The following ZNF106 variants were observed in gnomAD, a reference collection of about 807,000 sequenced individuals.
The protein encoded by ZNF106 is zinc finger protein 106, also known as SH3-domain binding protein 3.
Under a neutral mutation model 195.1 loss-of-function variants are expected in ZNF106, and 67 were observed. That is an observed-to-expected ratio of 0.34 (90% CI 0.28 to 0.42). The LOEUF is 0.42. Among genes scored for constraint, ZNF106 ranks in the 10% least tolerant of loss-of-function variants. ZNF106 has a pLI of 1.00. For missense variants in ZNF106, 2,118 were observed against 2,304.5 expected, an observed-to-expected ratio of 0.92 and a Z score of 1.66; for synonymous variants, 784 against 818.6, an observed-to-expected ratio of 0.96 and a Z score of 0.72.
intron 4 of ZNF106, among the ~76,000 whole-genome samples, chr15:42,455,760 G>A (rs982585499): frequency 3.3e-5 from 5 of 151,982 alleles, no homozygotes; most frequent in African/African-American, 1.2e-4. Context: ...AGGTACAGAC[G>A]GGGTATAACT....
intron 3 of ZNF106, among the ~76,000 whole-genome samples, chr15:42,463,090 G>A (rs557139114): frequency 1.3e-5 from 2 of 151,944 alleles, no homozygotes; most frequent in African/African-American, 2.4e-5. Flanking sequence ...CGAGCACCGC[G>A]GCCGGCCCAA....
At chr15:42,487,490 CAAA>C (rs961444853) in intron 1 of ZNF106, among the ~76,000 whole-genome samples, 1 of 44,714 alleles carries the variant, frequency 2.2e-5, no homozygotes, top group Non-Finnish European at 4.1e-5. Context: ...GACCCTGTCT[CAAA>C]AAAAAAAAAA....
At chr15:42,433,144 C>A (rs896493828) in intron 14 of ZNF106, among the ~76,000 whole-genome samples, 3 of 152,010 alleles carry the variant, frequency 2.0e-5, no homozygotes, top group Non-Finnish European at 2.9e-5. Context: ...CTTGCTCTGT[C>A]GCCCAGGCTG....
At chr15:42,428,168 G>C in intron 14 of ZNF106, 34 bp from the exon 15 acceptor site, 1 of 1,571,780 alleles carries the variant, frequency 6.4e-7, no homozygotes, top group Middle Eastern at 1.7e-4. Context: ...ATCAGCAGAG[G>C]GTACTGGCAA....
At chr15:42,440,019 CTG>C (rs1383702005) in intron 10 of ZNF106, among the ~76,000 whole-genome samples, 5 of 152,224 alleles carry the variant, frequency 3.3e-5, no homozygotes, top group African/African-American at 1.2e-4. Flanking sequence ...CTCACAAACA[CTG>C]TGTGTCTTAT....
At chr15:42,471,496 C>T (rs950111820) in intron 2 of ZNF106, among the ~76,000 whole-genome samples, 3 of 152,064 alleles carry the variant, frequency 2.0e-5, no homozygotes, top group African/African-American at 4.8e-5. Flanking sequence ...TTGACAGGCC[C>T]GAGGCAGGTG....
chr15:42,471,077 C>A (rs1275292697), intron 2 of ZNF106, among the ~76,000 whole-genome samples: 2 of 152,212 alleles, frequency 1.3e-5, no homozygotes, highest in African/African-American at 4.8e-5. Flanking sequence ...TCCTGCTATT[C>A]CCAAGGCAAA....
intron 1 of ZNF106, among the ~76,000 whole-genome samples, chr15:42,484,596 G>A (rs2056968876): frequency 6.6e-6 from 1 of 152,094 alleles, no homozygotes. Context: ...AAATTAGCCA[G>A]GCGTGGTGAT....
intron 16 of ZNF106, 119 bp from the exon 17 acceptor site, chr15:42,424,179 T>C (rs2141267139): frequency 1.2e-6 from 1 of 814,982 alleles, no homozygotes; most frequent in Middle Eastern, 2.4e-4. Context: ...CACGATGAAC[T>C]AGGTATAAAA....
intron 1 of ZNF106, among the ~76,000 whole-genome samples, chr15:42,473,407 G>A (rs544926154): frequency 6.6e-6 from 1 of 152,126 alleles, no homozygotes; most frequent in Admixed American, 6.5e-5. Context: ...ATGCCCTCCC[G>A]TTCTTCCTCT....
At chr15:42,482,882 A>G (rs2056935073) in intron 1 of ZNF106, among the ~76,000 whole-genome samples, 1 of 152,054 alleles carries the variant, frequency 6.6e-6, no homozygotes, top group South Asian at 2.1e-4. Flanking sequence ...TGCTCCACAT[A>G]TGCATAATTC....
At chr15:42,485,436 G>A (rs2056991110) in intron 1 of ZNF106, among the ~76,000 whole-genome samples, 1 of 152,178 alleles carries the variant, frequency 6.6e-6, no homozygotes, top group Non-Finnish European at 1.5e-5. Context: ...ACTTCCAGCT[G>A]AGGCCACTGT....
chr15:42,469,580 G>A (rs2056615498), intron 2 of ZNF106, among the ~76,000 whole-genome samples: 2 of 152,146 alleles, frequency 1.3e-5, no homozygotes, highest in South Asian at 2.1e-4. Context: ...GCTCACACCT[G>A]TAATTACGCC....
chr15:42,486,647 T>C (rs1326535867), intron 1 of ZNF106, among the ~76,000 whole-genome samples: 1 of 152,058 alleles, frequency 6.6e-6, no homozygotes, highest in Admixed American at 6.5e-5. Context: ...AGTTTGGTGA[T>C]GTTCTTGTGA....
intron 9 of ZNF106, among the ~76,000 whole-genome samples, chr15:42,443,294 T>C (rs57283316): frequency 5.3e-5 from 8 of 152,256 alleles, no homozygotes; most frequent in African/African-American, 1.9e-4. Flanking sequence ...TATTGTCTGT[T>C]GCTAAACATT....
At position 42,416,407 on chromosome 15, in the gene ZNF106, T is replaced by A. The variant is rs2054461910; in HGVS notation, c.*897A>T. The A allele has an allele frequency of 6.6e-6, 1 of 152,204 alleles. No homozygotes were observed. Among genetic ancestry groups the A allele is most frequent in the Non-Finnish European group, 1.5e-5 (1 of 68,110 alleles). The allele number at this position is 152,204 out of a possible 1,614,324, so 9.4% of individuals were successfully genotyped here. A position where few individuals can be genotyped will look rare whatever the true frequency, so the allele number is the denominator to read the frequency against. ...AGGCACGGCCATACAGTGGGAGAGA[T>A]GGAGGCTGGCAACTGAACAAACCAA... On this transcript the variant is annotated 3_prime_UTR_variant, in exon 22 of 22. Transcript: ENST00000564754.
At chr15:42,439,869 CACTG>C (rs2055436729) in intron 10 of ZNF106, 56 bp from the exon 11 acceptor site, 1 of 1,463,786 alleles carries the variant, frequency 6.8e-7, no homozygotes, top group Non-Finnish European at 9.0e-7. Context: ...TGCAATTTAT[CACTG>C]ACTGAAACTC....
chr15:42,448,561 G>C lies in ZNF106; in HGVS notation c.2646C>G (p.Ser882Arg). 2 of 1,614,116 alleles carry C rather than the reference G, an allele frequency of 1.2e-6. No individual in the cohort carries two copies. The highest frequency in any genetic ancestry group is 8.5e-7 in the Non-Finnish European group (1 of 1,180,012). ...SSSPGLARKR[S>R]LSESSVIMDR... Reference sequence around the variant, plus strand: ...CCATGATCACGCTGCTCTCAGAAAGGCTTCGCTTTCTTGCCAAGCCAGGGG... The same window carrying C: ...CCATGATCACGCTGCTCTCAGAAAGCCTTCGCTTTCTTGCCAAGCCAGGGG... The change falls in exon 6 of 22, where the codon AGC becomes AGG. Residue 882 changes from serine to arginine, a missense_variant. Coordinates refer to ENST00000564754, the MANE Select transcript of ZNF106 (RefSeq NM_001366845.3).
Position 42,448,426 on chromosome 15 carries a change from C to A in ZNF106, c.2781G>T (p.Gln927His). The change falls in exon 6 of 22, where the codon CAG becomes CAT. Residue 927 changes from glutamine to histidine, a missense_variant. Transcript: ENST00000564754. ...PSNSLRAGQS[Q>H]KATMHLKQEV... Reference sequence around the variant, plus strand: ...CTTGTTTGAGGTGCATGGTTGCTTTCTGGCTCTGTCCAGCCCTCAATGAGT... The same window carrying A: ...CTTGTTTGAGGTGCATGGTTGCTTTATGGCTCTGTCCAGCCCTCAATGAGT... 1 of 1,614,150 alleles carries A rather than the reference C, an allele frequency of 6.2e-7. No homozygotes were observed. The highest frequency in any genetic ancestry group is 8.5e-7 in the Non-Finnish European group (1 of 1,180,036).
Sources: allele counts gnomAD v4.1 joint callset (sites outside exome capture counted in the v4.1 genomes callset), GRCh38; gene constraint gnomAD v4.1.1; transcripts MANE v1.5; gene names NCBI Gene and HGNC (gene_info 2026-07-23, HGNC 2026-07-21).